Variants in PRKD1 observed in about 807,000 individuals in gnomAD.
The protein encoded by PRKD1 is protein kinase D1.
PRKD1 carries 63 observed loss-of-function variants against 95.9 expected under a neutral mutation model. The observed-to-expected ratio is 0.66, with a 90% CI of 0.54 to 0.81. The LOEUF (loss-of-function observed/expected upper bound fraction) is 0.81, where lower values mean the gene tolerates loss of function less well. Among genes scored for constraint, PRKD1 ranks in the 30% least tolerant of loss-of-function variants. PRKD1 has a pLI of 0.00. For missense variants in PRKD1, 1,048 were observed against 1,165.3 expected (o/e 0.90, Z 1.47); for synonymous variants, 425 against 423.1 (o/e 1.00, Z -0.05).
Position 29,749,609 on chromosome 14 carries a change from C to A in PRKD1, c.265-23935G>T, listed in dbSNP as rs562823745. ...TTTACTTAATGGGTCGTTACTGATC[C>A]ATGCTGGGTGTTACCTTCCTTATCC... On this transcript the variant is annotated intron_variant, in intron 1 of 17. Transcript: ENST00000331968. Among the ~76,000 whole-genome samples the A allele has an allele frequency of 2.0e-5, 3 of 152,258 alleles. No individual in the cohort carries two copies. In the East Asian group the frequency reaches 5.8e-4, roughly 29 times the overall value.
rs533361178 is a variant in PRKD1 at position 29,823,574 on chromosome 14, T to C, written c.265-97900A>G. On this transcript the variant is annotated intron_variant, in intron 1 of 17. Coordinates refer to ENST00000331968, the MANE Select transcript of PRKD1 (RefSeq NM_002742.3). ...TACTATATTGCCACTTCTTTTGTGC[T>C]ACAAATACAAATACAAAACACTCTT... Among the ~76,000 whole-genome samples, 18 of 152,280 alleles carry C rather than the reference T, an allele frequency of 1.2e-4. No homozygotes were observed. In the South Asian group the frequency reaches 3.7e-3, roughly 32 times the overall value.
intron 1 of PRKD1, among the ~76,000 whole-genome samples, chr14:29,813,154 A>G (rs1890559021): frequency 6.6e-6 from 1 of 152,190 alleles, no homozygotes; most frequent in Non-Finnish European, 1.5e-5. Flanking sequence ...TTTAAGATAA[A>G]ATGAAAATAT....
chr14:29,738,819 CTCTT>C (rs942803602), intron 1 of PRKD1, among the ~76,000 whole-genome samples: 13 of 148,312 alleles, frequency 8.8e-5, no homozygotes, highest in Admixed American at 5.6e-4. Flanking sequence ...CTGTCTCTCT[CTCTT>C]TCTTTTTTCT....
chr14:29,762,738 A>T (rs1888054535), intron 1 of PRKD1, among the ~76,000 whole-genome samples: 1 of 152,168 alleles, frequency 6.6e-6, no homozygotes. Flanking sequence ...GTGTGCATAC[A>T]CATATATTAC....
intron 13 of PRKD1, among the ~76,000 whole-genome samples, chr14:29,621,607 A>T (rs1159677918): frequency 6.6e-6 from 1 of 152,160 alleles, no homozygotes; most frequent in Non-Finnish European, 1.5e-5. Context: ...CCCATTGTAC[A>T]GGTTATGTGA....
At chr14:29,614,498 T>A (rs10149921) in intron 13 of PRKD1, among the ~76,000 whole-genome samples, 3 of 151,876 alleles carry the variant, frequency 2.0e-5, no homozygotes, top group Non-Finnish European at 2.9e-5. Flanking sequence ...CTAAATTTAA[T>A]TCGATTTCAT....
At chr14:29,631,166 C>T (rs2273812) in intron 9 of PRKD1, 145 bp from the exon 10 acceptor site, 211,059 of 799,258 alleles carry the variant, frequency 0.26, 32,977 homozygotes, top group African/African-American at 0.58. Flanking sequence ...ACACAGAATA[C>T]TGCTAAGCAA....
At chr14:29,757,151 G>A (rs1887740462) in intron 1 of PRKD1, among the ~76,000 whole-genome samples, 1 of 152,110 alleles carries the variant, frequency 6.6e-6, no homozygotes, top group Non-Finnish European at 1.5e-5. Flanking sequence ...CTAGTAATGG[G>A]AGCAGCTCTA....
At chr14:29,678,566 G>A (rs2139259429) in intron 2 of PRKD1, among the ~76,000 whole-genome samples, 1 of 152,220 alleles carries the variant, frequency 6.6e-6, no homozygotes, top group East Asian at 1.9e-4. Flanking sequence ...GGAGGGGCAG[G>A]TGGGAACTGG....
intron 1 of PRKD1, among the ~76,000 whole-genome samples, chr14:29,846,835 C>T (rs561388877): frequency 1.3e-5 from 2 of 152,142 alleles, no homozygotes; most frequent in Non-Finnish European, 2.9e-5. Context: ...TGTAAAGATA[C>T]AGCTGAAAGC....
At chr14:29,577,519 T>C in intron 17 of PRKD1, 63 bp from the exon 18 acceptor site, 1 of 1,483,860 alleles carries the variant, frequency 6.7e-7, no homozygotes, top group South Asian at 1.1e-5. Context: ...CTGTTTCATA[T>C]GATGTCAGTT....
intron 1 of PRKD1, among the ~76,000 whole-genome samples, chr14:29,886,710 G>A (rs887981051): frequency 2.6e-5 from 4 of 152,136 alleles, no homozygotes; most frequent in Non-Finnish European, 4.4e-5. Context: ...CAAGGTAGAC[G>A]GCAGGATGTC....
intron 1 of PRKD1, among the ~76,000 whole-genome samples, chr14:29,904,672 T>TA (rs1243881604): frequency 6.6e-6 from 1 of 152,218 alleles, no homozygotes; most frequent in African/African-American, 2.4e-5. Flanking sequence ...TTTATGCCAG[T>TA]ACTCCCCTTA....
chr14:29,653,487 G>A (rs919320026), intron 4 of PRKD1, among the ~76,000 whole-genome samples: 1 of 151,956 alleles, frequency 6.6e-6, no homozygotes, highest in Non-Finnish European at 1.5e-5. Flanking sequence ...TGTAAAAAAT[G>A]CTGTGTCATC....
intron 1 of PRKD1, among the ~76,000 whole-genome samples, chr14:29,831,281 A>G (rs983450057): frequency 2.0e-5 from 3 of 152,178 alleles, no homozygotes; most frequent in African/African-American, 4.8e-5. Context: ...ACAAAAGCTT[A>G]TAAGATTTTC....
At chr14:29,858,420 G>T (rs1892586634) in intron 1 of PRKD1, among the ~76,000 whole-genome samples, 1 of 152,162 alleles carries the variant, frequency 6.6e-6, no homozygotes, top group South Asian at 2.1e-4. Flanking sequence ...GTCTCTATAA[G>T]ACCTTTGAGG....
chr14:29,601,816 C>T (rs1249538114), intron 13 of PRKD1, among the ~76,000 whole-genome samples: 1 of 152,142 alleles, frequency 6.6e-6, no homozygotes, highest in Non-Finnish European at 1.5e-5. Context: ...TTTCCTTTTC[C>T]TTACATGCCT....
intron 1 of PRKD1, among the ~76,000 whole-genome samples, chr14:29,807,516 C>A (rs994571387): frequency 6.6e-6 from 1 of 152,056 alleles, no homozygotes; most frequent in Non-Finnish European, 1.5e-5. Context: ...CCCACCTCAG[C>A]ATCCCAAGTA....
At chr14:29,738,284 TAA>T (rs965318189) in intron 1 of PRKD1, among the ~76,000 whole-genome samples, 3 of 151,916 alleles carry the variant, frequency 2.0e-5, no homozygotes, top group African/African-American at 7.3e-5. Context: ...ACCAGAAAAA[TAA>T]AAAAAGACTT....
Sources: allele counts gnomAD v4.1 joint callset (sites outside exome capture counted in the v4.1 genomes callset), GRCh38; gene constraint gnomAD v4.1.1; transcripts MANE v1.5; gene names NCBI Gene and HGNC (gene_info 2026-07-23, HGNC 2026-07-21).